DGKI: variants seen among roughly 807,000 people sequenced by gnomAD.
DGKI encodes diacylglycerol kinase iota.
A neutral mutation model predicts 147.5 loss-of-function variants in DGKI; 55 were observed. The ratio of observed to expected loss-of-function variants is 0.37; its 90% confidence interval spans 0.30 to 0.47. The LOEUF is 0.47. Among genes scored for constraint, DGKI ranks in the 20% least tolerant of loss-of-function variants. DGKI has a pLI of 1.00. For synonymous variants in DGKI, 469 were observed against 477.1 expected, an observed-to-expected ratio of 0.98 and a Z score of 0.22; for missense variants, 1,007 against 1,323.8, an observed-to-expected ratio of 0.76 and a Z score of 3.71.
chr7:137,739,711 G>T (rs767306992), intron 1 of DGKI, among the ~76,000 whole-genome samples: 1 of 152,122 alleles, frequency 6.6e-6, no homozygotes, highest in Non-Finnish European at 1.5e-5. Flanking sequence ...AGTGCTACAC[G>T]CATGTGTACA....
intron 1 of DGKI, among the ~76,000 whole-genome samples, chr7:137,699,129 A>G (rs1393290863): frequency 6.6e-6 from 1 of 152,194 alleles, no homozygotes; most frequent in African/African-American, 2.4e-5. Flanking sequence ...TGGTCATAGA[A>G]GGTGTCATTT....
At chr7:137,466,554 T>C (rs567829392) in intron 25 of DGKI, among the ~76,000 whole-genome samples, 17 of 152,166 alleles carry the variant, frequency 1.1e-4, no homozygotes, top group South Asian at 4.1e-4. Flanking sequence ...GTTATACACC[T>C]GGGGCCTCAA....
intron 23 of DGKI, among the ~76,000 whole-genome samples, chr7:137,483,907 A>G (rs1182290158): frequency 6.6e-6 from 1 of 152,096 alleles, no homozygotes; most frequent in Non-Finnish European, 1.5e-5. Flanking sequence ...GCTTTTTAAA[A>G]TAAAATTTAC....
chr7:137,551,694 A>G (rs531408114), intron 20 of DGKI, among the ~76,000 whole-genome samples: 1 of 152,354 alleles, frequency 6.6e-6, no homozygotes, highest in South Asian at 2.1e-4. Context: ...ATATCTAGCC[A>G]ATATTACCTT....
At chr7:137,624,052 C>A (rs10255560) in intron 6 of DGKI, among the ~76,000 whole-genome samples, 4,392 of 152,118 alleles carry the variant, frequency 0.029, 192 homozygotes, top group African/African-American at 0.097. Flanking sequence ...GTAGTAAATT[C>A]AGACACTTTC....
chr7:137,521,862 T>G lies in DGKI; in HGVS notation c.2248+4A>C. On this transcript the variant is annotated splice_donor_region_variant and intron_variant, in intron 21 of 32. Transcript: ENST00000614521. ...ATGAAATCAATGAGGCACTTCCAAC[T>G]TACAAGCTTCTCGGAGTTTCTCCTT... The G allele has an allele frequency of 6.2e-7, 1 of 1,607,264 alleles. No individual in the cohort carries two copies. The highest frequency in any genetic ancestry group is 8.5e-7 in the Non-Finnish European group (1 of 1,174,718).
Position 137,415,858 on chromosome 7 carries a change from G to A in DGKI, c.2762-3651C>T, listed in dbSNP as rs1464379655. On this transcript the variant is annotated intron_variant, in intron 28 of 32. Coordinates refer to ENST00000614521, the MANE Select transcript of DGKI (RefSeq NM_001321708.2). Reference sequence around the variant, plus strand: ...TAAAAAATTGGCCAGGTGTGGTGGTGGGCGCCCGTAATCCCAGCTACTCAG... The same window carrying A: ...TAAAAAATTGGCCAGGTGTGGTGGTAGGCGCCCGTAATCCCAGCTACTCAG... 4.6e-5 allele frequency among the ~76,000 whole-genome samples: 7 copies of A among 151,904 alleles called. No individual in the cohort carries two copies. In the East Asian group the frequency reaches 1.4e-3, roughly 29 times the overall value.
chr7:137,561,318 G>A (rs982201881), intron 19 of DGKI, among the ~76,000 whole-genome samples: 1 of 152,166 alleles, frequency 6.6e-6, no homozygotes, highest in African/African-American at 2.4e-5. Context: ...GATAGGAAGA[G>A]AACGTTAACC....
intron 3 of DGKI, among the ~76,000 whole-genome samples, chr7:137,658,508 G>A (rs1033377943): frequency 6.6e-6 from 1 of 152,198 alleles, no homozygotes. Context: ...TATTACCACA[G>A]GTAGGCAACC....
At chr7:137,645,401 C>T (rs1026936999) in intron 6 of DGKI, 71 bp downstream of exon 6, 12 of 1,327,316 alleles carry the variant, frequency 9.0e-6, no homozygotes, top group Admixed American at 6.2e-5. Flanking sequence ...GGGGACAGGA[C>T]TCATCTACCT....
chr7:137,516,153 T>C (rs1053189611), intron 21 of DGKI, among the ~76,000 whole-genome samples: 1 of 152,162 alleles, frequency 6.6e-6, no homozygotes, highest in Non-Finnish European at 1.5e-5. Flanking sequence ...GGAAAAAAAA[T>C]CAGTGTTTTT....
chr7:137,710,642 G>A lies in DGKI; in HGVS notation c.402-20640C>T, dbSNP rs77295860. ...TTTGATCCCAGGTAGATTAAAAATG[G>A]AAATGTGAAATACAAAACTATGTAA... On this transcript the variant is annotated intron_variant, in intron 1 of 32. Transcript: ENST00000614521. Among the ~76,000 whole-genome samples, 1,499 of 152,146 alleles carry A rather than the reference G, an allele frequency of 9.9e-3. 19 individuals are homozygous for A. The highest frequency in any genetic ancestry group is 0.035 in the African/African-American group (1,450 of 41,524).
At chr7:137,576,670 C>T (rs1042716978) in intron 17 of DGKI, among the ~76,000 whole-genome samples, 1 of 152,230 alleles carries the variant, frequency 6.6e-6, no homozygotes, top group Non-Finnish European at 1.5e-5. Flanking sequence ...AGCACATACA[C>T]AAAAAATCCA....
chr7:137,691,459 G>A (rs1025551338), intron 1 of DGKI, among the ~76,000 whole-genome samples: 1 of 152,158 alleles, frequency 6.6e-6, no homozygotes, highest in Non-Finnish European at 1.5e-5. Flanking sequence ...GCTCCAGACA[G>A]TGGAATGGAG....
intron 12 of DGKI, 60 bp from the exon 13 acceptor site, chr7:137,587,270 C>G (rs1819441058): frequency 1.5e-6 from 2 of 1,356,030 alleles, no homozygotes; most frequent in Admixed American, 5.2e-5. Flanking sequence ...ACAAAGAAAA[C>G]AGTTTGAGAA....
chr7:137,645,552 A>G lies in DGKI; in HGVS notation c.739-15T>C. ...CGTACAAAATTCTGTGGGAAAACAA[A>G]ATTAAATGAATATTTTTAAAAATTT... On this transcript the variant is annotated splice_polypyrimidine_tract_variant and intron_variant, in intron 5 of 32. Coordinates refer to ENST00000614521, the MANE Select transcript of DGKI (RefSeq NM_001321708.2). 6.2e-7 allele frequency: 1 copy of G among 1,608,724 alleles called. No individual in the cohort carries two copies. Among genetic ancestry groups the G allele is most frequent in the Non-Finnish European group, 8.5e-7 (1 of 1,177,282 alleles).
intron 23 of DGKI, among the ~76,000 whole-genome samples, chr7:137,478,240 T>A (rs1815245225): frequency 6.6e-6 from 1 of 152,118 alleles, no homozygotes; most frequent in African/African-American, 2.4e-5. Flanking sequence ...TTGTATGGGT[T>A]AAAAATGGAG....
intron 1 of DGKI, among the ~76,000 whole-genome samples, chr7:137,691,967 C>T (rs975618857): frequency 1.3e-5 from 2 of 151,870 alleles, no homozygotes; most frequent in East Asian, 1.9e-4. Context: ...ATATAATCCC[C>T]GAAAGGGTCA....
chr7:137,433,780 A>ACACAT (rs1201479878), intron 28 of DGKI, among the ~76,000 whole-genome samples: 1 of 152,218 alleles, frequency 6.6e-6, no homozygotes, highest in African/African-American at 2.4e-5. Context: ...TTGTTGCCAG[A>ACACAT]CACATCACCT....
Sources: allele counts gnomAD v4.1 joint callset (sites outside exome capture counted in the v4.1 genomes callset), GRCh38; gene constraint gnomAD v4.1.1; transcripts MANE v1.5; gene names NCBI Gene and HGNC (gene_info 2026-07-23, HGNC 2026-07-21).